Variants in UNC79 observed in about 807,000 individuals in gnomAD.
The protein encoded by UNC79 is unc-79 subunit of NALCN channel complex, also known as protein unc-79 homolog.
In UNC79, 37 loss-of-function variants were observed where a neutral mutation model predicts 283.1. That is an observed-to-expected ratio of 0.13 (90% confidence interval 0.10 to 0.17). UNC79 has a LOEUF of 0.17. Ranked by LOEUF, UNC79 falls within the 10% of genes least tolerant of loss-of-function variation. The pLI is 1.00. For missense variants in UNC79, 2,272 were observed against 3,211.1 expected (o/e 0.71, Z 7.07); for synonymous variants, 1,107 against 1,200.2 (o/e 0.92, Z 1.61).
At chr14:93,410,892 T>A (rs2055321156) in intron 1 of UNC79, among the ~76,000 whole-genome samples, 1 of 151,926 alleles carries the variant, frequency 6.6e-6, no homozygotes, top group African/African-American at 2.4e-5. Context: ...CTGTGGTGGC[T>A]ATGGGGAGAG....
At chr14:93,584,310 G>A (rs982523507) in intron 20 of UNC79, among the ~76,000 whole-genome samples, 1 of 152,094 alleles carries the variant, frequency 6.6e-6, no homozygotes, top group South Asian at 2.1e-4. Context: ...GAGCTGTAAC[G>A]GAACATCGGA....
chr14:93,361,071 G>T (rs140177647), intron 1 of UNC79, among the ~76,000 whole-genome samples: 129 of 151,818 alleles, frequency 8.5e-4, no homozygotes, highest in African/African-American at 3.0e-3. Context: ...AAAATTACCC[G>T]GGCATGGTGG....
intron 14 of UNC79, among the ~76,000 whole-genome samples, chr14:93,560,635 A>T (rs1322190977): frequency 1.3e-5 from 2 of 151,974 alleles, no homozygotes; most frequent in Non-Finnish European, 2.9e-5. Flanking sequence ...GGGAACAGGG[A>T]GCTCTTCGGT....
intron 1 of UNC79, among the ~76,000 whole-genome samples, chr14:93,370,629 A>G (rs4905063): frequency 0.71 from 107,370 of 151,996 alleles, 38,409 homozygotes; most frequent in Middle Eastern, 0.77. Context: ...AAAATTAGCC[A>G]GACGTGGTGG....
chr14:93,445,377 T>A (rs556920956), intron 1 of UNC79, among the ~76,000 whole-genome samples: 1 of 152,314 alleles, frequency 6.6e-6, no homozygotes, highest in South Asian at 2.1e-4. Flanking sequence ...TGTTCTTGCC[T>A]TGTTCTTGAC....
At chr14:93,512,680 A>G (rs1395355063) in intron 7 of UNC79, among the ~76,000 whole-genome samples, 2 of 152,034 alleles carry the variant, frequency 1.3e-5, no homozygotes, top group East Asian at 1.9e-4. Flanking sequence ...TAGTAATTTT[A>G]TATATGCTAT....
At chr14:93,427,965 T>G (rs1452856102), upstream of UNC79, among the ~76,000 whole-genome samples, 4 of 152,154 alleles carry the variant, frequency 2.6e-5, no homozygotes, top group Admixed American at 6.6e-5. Context: ...AACAATAGAA[T>G]GGGCAAAAAG....
intron 1 of UNC79, among the ~76,000 whole-genome samples, chr14:93,398,866 A>G (rs1426781308): frequency 6.6e-6 from 1 of 152,194 alleles, no homozygotes; most frequent in Non-Finnish European, 1.5e-5. Flanking sequence ...ACAGGAGGGA[A>G]GAAATGAGTA....
intron 22 of UNC79, among the ~76,000 whole-genome samples, chr14:93,589,206 G>A (rs75156744): frequency 0.017 from 2,583 of 152,210 alleles, 37 homozygotes; most frequent in South Asian, 0.086. Flanking sequence ...TTTCTCCGGC[G>A]CTCAGGGGCT....
intron 40 of UNC79, 116 bp downstream of exon 43, chr14:93,662,830 G>A (rs2071744499): frequency 3.1e-6 from 2 of 650,686 alleles, no homozygotes; most frequent in Admixed American, 3.0e-5. Context: ...TTAAAAATGA[G>A]TAATTCTACT....
At chr14:93,576,337 C>G (rs1046386000) in intron 17 of UNC79, among the ~76,000 whole-genome samples, 1 of 151,970 alleles carries the variant, frequency 6.6e-6, no homozygotes, top group Non-Finnish European at 1.5e-5. Context: ...AGAAAAATAC[C>G]TAGGTGATAG....
chr14:93,513,322 A>G (rs1236395489), intron 7 of UNC79, among the ~76,000 whole-genome samples: 3 of 151,900 alleles, frequency 2.0e-5, no homozygotes, highest in Non-Finnish European at 4.4e-5. Flanking sequence ...CCTGAGATCA[A>G]GTGATCTTCC....
chr14:93,579,784 C>T (rs1374720041), intron 18 of UNC79, among the ~76,000 whole-genome samples: 1 of 152,182 alleles, frequency 6.6e-6, no homozygotes, highest in Admixed American at 6.5e-5. Context: ...CTTTTAGCAG[C>T]TCATGGTATT....
intron 13 of UNC79, among the ~76,000 whole-genome samples, chr14:93,541,936 C>T (rs1199191148): frequency 1.5e-5 from 2 of 135,416 alleles, no homozygotes; most frequent in East Asian, 2.3e-4. Flanking sequence ...ACCCGGGAGG[C>T]GGAGCTTGCA....
chr14:93,406,528 C>T (rs181596866), intron 1 of UNC79, among the ~76,000 whole-genome samples: 1 of 152,274 alleles, frequency 6.6e-6, no homozygotes, highest in East Asian at 1.9e-4. Flanking sequence ...CTTGAGGCCA[C>T]AGTGAACTAT....
At chr14:93,421,822 A>C (rs2055607029) in intron 1 of UNC79, among the ~76,000 whole-genome samples, 1 of 151,418 alleles carries the variant, frequency 6.6e-6, no homozygotes, top group Non-Finnish European at 1.5e-5. Flanking sequence ...GCCAAATGTG[A>C]TTTATCCCAG....
intron 1 of UNC79, among the ~76,000 whole-genome samples, chr14:93,389,825 G>C (rs1208888208): frequency 6.6e-6 from 1 of 152,126 alleles, no homozygotes; most frequent in Non-Finnish European, 1.5e-5. Context: ...CTAATTTTGT[G>C]TATTTTTAGT....
chr14:93,532,777 C>T (rs1397244149), intron 11 of UNC79, among the ~76,000 whole-genome samples, 199 bp downstream of exon 11: 2 of 152,184 alleles, frequency 1.3e-5, no homozygotes, highest in South Asian at 2.1e-4. Flanking sequence ...TGCTTTTGCT[C>T]ACCCATCTTA....
At chr14:93,555,621 C>G (rs1274797067) in intron 14 of UNC79, among the ~76,000 whole-genome samples, 1 of 152,110 alleles carries the variant, frequency 6.6e-6, no homozygotes, top group East Asian at 1.9e-4. Flanking sequence ...CCAGACTGGT[C>G]TCAAATTCCT....
Sources: allele counts gnomAD v4.1 joint callset (sites outside exome capture counted in the v4.1 genomes callset), GRCh38; gene constraint gnomAD v4.1.1; transcripts MANE v1.5; gene names NCBI Gene and HGNC (gene_info 2026-07-23, HGNC 2026-07-21).